Variants in PCED1A observed in about 807,000 individuals in gnomAD.
PCED1A encodes the protein PC-esterase domain containing 1A, also known as PC-esterase domain-containing protein 1A.
Under a neutral mutation model 41.9 loss-of-function variants are expected in PCED1A, and 20 were observed. The observed-to-expected ratio is 0.48, with a 90% CI of 0.34 to 0.69. The LOEUF is 0.69. PCED1A is among the 30% of genes least tolerant of loss of function. The pLI, the probability that PCED1A is intolerant of heterozygous loss-of-function variation, is 0.01. For missense variants in PCED1A, 498 were observed against 602.1 expected (o/e 0.83, Z 1.81); for synonymous variants, 236 against 241.3 (o/e 0.98, Z 0.20).
chr20:2,841,138 C>G, upstream of PCED1A: 2 of 443,300 alleles, frequency 4.5e-6, no homozygotes, highest in South Asian at 2.6e-5. Flanking sequence ...AGTCTCCTGC[C>G]GGAAAGTGCT....
rs544594162 is a variant in PCED1A, at chr20:2,836,440, G to GCCCTCTACCCAGTTTTCCTCATT, written c.842-149_842-127dup. 552 of 835,320 alleles carry GCCCTCTACCCAGTTTTCCTCATT rather than the reference G, an allele frequency of 6.6e-4. 5 individuals carry two copies. In the East Asian group the frequency reaches 0.013, roughly 20 times the overall value. The allele number at this position is 835,320 out of a possible 1,614,324, so 51.7% of individuals were successfully genotyped here. ...AGAGCCACCAGGCTGGAGCATCCTTGCCCTCTACCCAGTTTTCCTCATTCC... is the reference window on the plus strand; with the variant it reads ...AGAGCCACCAGGCTGGAGCATCCTTGCCCTCTACCCAGTTTTCCTCATTCCCTCTACCCAGTTTTCCTCATTCC... On this transcript the variant is annotated intron_variant, in intron 6 of 7. Transcript: ENST00000360652.
chr20:2,839,085 A>AGGGGCCCCCCCCC lies in PCED1A; in HGVS notation c.205-4_205-3insGGGGGGGGGCCCC. 2.0e-6 allele frequency: 1 copy of AGGGGCCCCCCCCC among 491,612 alleles called. No homozygotes were observed. Among genetic ancestry groups the AGGGGCCCCCCCCC allele is most frequent in the Non-Finnish European group, 3.5e-6 (1 of 287,780 alleles). 30.5% of individuals were successfully genotyped at this position (491,612 alleles called of 1,614,324 possible). A position where few individuals can be genotyped will look rare whatever the true frequency, so the allele number is the denominator to read the frequency against. On this transcript the variant is annotated splice_region_variant and splice_polypyrimidine_tract_variant and intron_variant, in intron 3 of 7. Coordinates refer to ENST00000360652, the MANE Select transcript of PCED1A (RefSeq NM_022760.6). ...TCCTGTTCAAAGCTCAGCTCCCCCTACCCACCCCCCCCACCCTACTGGTCA... is the reference window on the plus strand; with the variant it reads ...TCCTGTTCAAAGCTCAGCTCCCCCTAGGGGCCCCCCCCCCCCACCCCCCCCACCCTACTGGTCA...
At position 2,838,560 on chromosome 20, in the gene PCED1A, T is replaced by A. The variant is rs1287778868; in HGVS notation, c.594+36A>T. The A allele has an allele frequency of 1.9e-6, 3 of 1,614,006 alleles. No individual in the cohort carries two copies. Among genetic ancestry groups the A allele is most frequent in the African/African-American group, 2.7e-5 (2 of 74,936 alleles). On this transcript the variant is annotated intron_variant, in intron 5 of 7. Transcript: ENST00000360652. The surrounding 1 kb of genome is among the most constrained non-coding windows in gnomAD (Gnocchi z 5.8). ...GGGTGTCCTATCTACCAGTCTGCTA[T>A]CCCATCTCTTGTCCTGATGGGCCTC...
At position 2,838,089 on chromosome 20, in the gene PCED1A, T is replaced by C; in HGVS notation, c.841+143A>G. 3 of 1,191,172 alleles carry C rather than the reference T, an allele frequency of 2.5e-6. No homozygotes were observed. The highest frequency in any genetic ancestry group is 3.6e-6 in the Non-Finnish European group (3 of 831,978). The allele number at this position is 1,191,172 out of a possible 1,614,324, so 73.8% of individuals were successfully genotyped here. A position where few individuals can be genotyped will look rare whatever the true frequency, so the allele number is the denominator to read the frequency against. ...CCGATGATCTAACCCTCCTCAGGGGTTGAGGAAGGTGCATGCAGAAGCCAC... is the reference window on the plus strand; with the variant it reads ...CCGATGATCTAACCCTCCTCAGGGGCTGAGGAAGGTGCATGCAGAAGCCAC... On this transcript the variant is annotated intron_variant, in intron 6 of 7. Transcript: ENST00000360652. The surrounding 1 kb of genome is among the most constrained non-coding windows in gnomAD (Gnocchi z 5.8).
chr20:2,835,972 T>G, intron 7 of PCED1A, 67 bp downstream of exon 7: 1 of 1,451,726 alleles, frequency 6.9e-7, no homozygotes, highest in Non-Finnish European at 9.1e-7. Flanking sequence ...TCCTCTCAGC[T>G]CACCTAGGCA....
Position 2,835,428 on chromosome 20 carries a change from C to A in PCED1A, c.*34G>T. On this transcript the variant is annotated 3_prime_UTR_variant, in exon 8 of 8. Transcript: ENST00000360652. ...AGGTGCCAGGCAGGCCCTGAAGGGCCATTGGCACATCCAGTCCCAGCCCAA... is the reference window on the plus strand; with the variant it reads ...AGGTGCCAGGCAGGCCCTGAAGGGCAATTGGCACATCCAGTCCCAGCCCAA... 6.3e-7 allele frequency: 1 copy of A among 1,577,726 alleles called. No homozygotes were observed.
rs1373028914 is a variant in PCED1A at position 2,836,103 on chromosome 20, G to C, written c.1053C>G (p.Pro351=). ...PQDTPFFPGQ[P]FPPHEFFNYN... ...AGTTGAAGAATTCATGGGGTGGGAA[G>C]GGCTGGCCTGGGAAAAAAGGGGTAT... Residue 351 remains proline (P), a synonymous_variant, in exon 7 of 8, where the codon CCC becomes CCG. Coordinates refer to ENST00000360652, the MANE Select transcript of PCED1A (RefSeq NM_022760.6). 1.3e-6 allele frequency: 2 copies of C among 1,558,096 alleles called. No individual in the cohort carries two copies. Among genetic ancestry groups the C allele is most frequent in the Non-Finnish European group, 1.7e-6 (2 of 1,153,308 alleles).
rs755876387 is a variant in PCED1A, at chr20:2,836,263, T to C, written c.893A>G (p.His298Arg). ...AEMNHPFQGS[H>R]RQTPDFGEHL... ...CTCCCCGAAGTCTGGGGTCTGCCTA[T>C]GGCTTCCCTGGAATGGATGATTCAT... is the stretch of plus-strand genomic sequence containing the variant. The change falls in exon 7 of 8, where the codon CAT (histidine) becomes CGT (arginine). Residue 298 changes from histidine to arginine, a missense_variant. His to Arg is a conservative substitution (Grantham distance 29). Around this residue, in one of 2 missense-constraint regions of PCED1A, gnomAD observed 245 missense variants for 232.4 expected, o/e 1.05. Coordinates refer to ENST00000360652, the MANE Select transcript of PCED1A (RefSeq NM_022760.6). 2.1e-4 allele frequency: 335 copies of C among 1,614,040 alleles called. No homozygotes were observed. The highest frequency in any genetic ancestry group is 2.8e-4 in the Non-Finnish European group (328 of 1,180,038).
Position 2,838,545 on chromosome 20 carries a change from TC to T in PCED1A, c.594+50del. The T allele has an allele frequency of 3.1e-6, 5 of 1,613,964 alleles. No homozygotes were observed. Among genetic ancestry groups the T allele is most frequent in the Non-Finnish European group, 4.2e-6 (5 of 1,179,862 alleles). ...CAGGGTCTGAAAGCAGGGTGTCCTA[TC>T]TACCAGTCTGCTATCCCATCTCTTG... is the stretch of plus-strand genomic sequence containing the variant. On this transcript the variant is annotated intron_variant, in intron 5 of 7. Coordinates refer to ENST00000360652, the MANE Select transcript of PCED1A (RefSeq NM_022760.6). The surrounding 1 kb of genome is among the most constrained non-coding windows in gnomAD (Gnocchi z 5.8).
At position 2,838,459 on chromosome 20, in the gene PCED1A, G is replaced by C; in HGVS notation, c.614C>G (p.Ser205Cys). 1 of 1,614,226 alleles carries C rather than the reference G, an allele frequency of 6.2e-7. No homozygotes were observed. Among genetic ancestry groups the C allele is most frequent in the Non-Finnish European group, 8.5e-7 (1 of 1,180,042 alleles). Residue 205 changes from serine (S) to cysteine (C), a missense_variant, in exon 6 of 8, where the codon TCC becomes TGC. Around this residue, in one of 2 missense-constraint regions of PCED1A, gnomAD observed 253 missense variants for 369.7 expected, o/e 0.68. Coordinates refer to ENST00000360652, the MANE Select transcript of PCED1A (RefSeq NM_022760.6). This position sits in a 1 kb window ranked among gnomAD's most constrained non-coding sequence, Gnocchi z 5.8. ...CCCTTCAACCACATCCCGCCGCAGG[G>C]AGCCTGCCAGGGGCTGGAGCTAAGT... is the stretch of plus-strand genomic sequence containing the variant. ...LLPELQPLAG[S>C]LRRDVVEGNF...
At chr20:2,836,448 C>T (rs1341545813) in intron 6 of PCED1A, 134 bp from the exon 7 acceptor site, 2 of 776,498 alleles carry the variant, frequency 2.6e-6, no homozygotes, top group East Asian at 2.5e-5. Flanking sequence ...TTGCCCTCTA[C>T]CCAGTTTTCC....
chr20:2,839,733 A>T, intron 2 of PCED1A, 56 bp downstream of exon 2: 7 of 1,601,110 alleles, frequency 4.4e-6, no homozygotes, highest in Non-Finnish European at 6.0e-6. Context: ...GTCCAGACAC[A>T]CTGAACGGGC....
intron 1 of PCED1A, 57 bp downstream of exon 1, chr20:2,840,154 C>T (rs888760126): frequency 3.3e-5 from 13 of 398,040 alleles, no homozygotes; most frequent in Non-Finnish European, 5.7e-5. Flanking sequence ...CCGCCCTGCG[C>T]CTCGCCACGT....
upstream of PCED1A, chr20:2,840,709 G>T: frequency 6.6e-7 from 1 of 1,517,138 alleles, no homozygotes. Context: ...AAGCGGAAGT[G>T]CCGGCCTGGA....
rs568473486 is a variant in PCED1A at position 2,840,342 on chromosome 20, C to A, written c.-153G>T. ...GTCGGCCAGTCGGTTCTGCAAAGCT[C>A]CCGCCCCGCAGAGACCGTGGGTCCA... On this transcript the variant is annotated 5_prime_UTR_variant, in exon 1 of 8. Coordinates refer to ENST00000360652, the MANE Select transcript of PCED1A (RefSeq NM_022760.6). 24 of 267,904 alleles carry A rather than the reference C, an allele frequency of 9.0e-5. No individual in the cohort carries two copies. Among genetic ancestry groups the A allele is most frequent in the Non-Finnish European group, 1.1e-4 (16 of 140,560 alleles). The allele number at this position is 267,904 out of a possible 1,614,324, so 16.6% of individuals were successfully genotyped here.
At position 2,835,564 on chromosome 20, in the gene PCED1A, C is replaced by A. The variant is rs758841760; in HGVS notation, c.1263G>T (p.Met421Ile). Residue 421 changes from methionine to isoleucine, a missense_variant, in exon 8 of 8, where the codon ATG (methionine) becomes ATT (isoleucine). Coordinates refer to ENST00000360652, the MANE Select transcript of PCED1A (RefSeq NM_022760.6). ...TGAGCCGCTGCCTGCAGGGCCCCCC[C>A]ATTCTCCGCACATGGTAGGGGCTGT... ...VPNSPYHVRRMGGPCRQRLRH... is the reference protein window; with the variant it reads ...VPNSPYHVRRIGGPCRQRLRH... 18 of 1,614,098 alleles carry A rather than the reference C, an allele frequency of 1.1e-5. No individual in the cohort carries two copies. The highest frequency in any genetic ancestry group is 1.4e-5 in the Non-Finnish European group (16 of 1,180,030).
In PCED1A at chr20:2,839,937, C is replaced by G; in HGVS notation, c.-21-4G>C. On this transcript the variant is annotated splice_polypyrimidine_tract_variant and splice_region_variant and intron_variant, in intron 1 of 7. Transcript: ENST00000360652. ...TGCCGCCACCAGCAACGACAGGCTGCAGGGAGAGGCCACTAAGCAGCGCGA... is the reference window on the plus strand; with the variant it reads ...TGCCGCCACCAGCAACGACAGGCTGGAGGGAGAGGCCACTAAGCAGCGCGA... 6.2e-7 allele frequency: 1 copy of G among 1,605,662 alleles called. No individual in the cohort carries two copies. Among genetic ancestry groups the G allele is most frequent in the Non-Finnish European group, 8.5e-7 (1 of 1,177,486 alleles).
rs777179912 is a variant in PCED1A, at chr20:2,836,311, G to A, written c.845C>T (p.Pro282Leu). The A allele has an allele frequency of 8.1e-6, 13 of 1,613,806 alleles. No homozygotes were observed. In the Admixed American group the frequency reaches 1.0e-4, roughly 12 times the overall value. The part of the protein sequence containing the change: ...ELPKRGYPPD[P>L]WIEDWAEMNH... ...CATCTCTGCCCAGTCCTCAATCCAC[G>A]GGTCTAGGAATGGGATGGTTGTTTT... Residue 282 changes from proline (P) to leucine (L), a missense_variant, in exon 7 of 8, where the codon CCG (proline) becomes CTG (leucine). Coordinates refer to ENST00000360652, the MANE Select transcript of PCED1A (RefSeq NM_022760.6).
chr20:2,837,260 C>G (rs1157762925), intron 6 of PCED1A, among the ~76,000 whole-genome samples: 2 of 152,220 alleles, frequency 1.3e-5, no homozygotes, highest in African/African-American at 4.8e-5. Context: ...TGCTCCAACT[C>G]CTGGCTACCA....
Sources: allele counts gnomAD v4.1 joint callset (sites outside exome capture counted in the v4.1 genomes callset), GRCh38; gene constraint gnomAD v4.1.1; regional missense constraint gnomAD v4.1.1; non-coding constraint Gnocchi (gnomAD v3.1); transcripts MANE v1.5; gene names NCBI Gene and HGNC (gene_info 2026-07-23, HGNC 2026-07-21).